The following ITGA4 variants were observed in gnomAD, a reference collection of about 807,000 sequenced individuals.
ITGA4 encodes integrin subunit alpha 4.
In ITGA4, 63 loss-of-function variants were observed where a neutral mutation model predicts 133.6. That is an observed-to-expected ratio of 0.47 (90% confidence interval 0.38 to 0.58). The LOEUF is 0.58. Among genes scored for constraint, ITGA4 ranks in the 20% least tolerant of loss-of-function variants. The pLI is 0.00. For synonymous variants in ITGA4, 483 were observed against 438.0 expected, an observed-to-expected ratio of 1.10 and a Z score of -1.28; for missense variants, 1,076 against 1,252.7, an observed-to-expected ratio of 0.86 and a Z score of 2.13.
At position 181,457,870 on chromosome 2, in the gene ITGA4, A is replaced by ACTC; in HGVS notation, c.197+19_197+20insCTC. The ACTC allele has an allele frequency of 6.3e-7, 1 of 1,596,096 alleles. No individual in the cohort carries two copies. Among genetic ancestry groups the ACTC allele is most frequent in the Non-Finnish European group, 8.6e-7 (1 of 1,168,786 alleles). On this transcript the variant is annotated intron_variant, in intron 1 of 27. Transcript: ENST00000397033. Reference sequence around the variant, plus strand: ...ACCGATGGTGAGTAGAGTTGGACTGATGCGCCCTCAGCAGCTCAGAGCGGC... The same window carrying ACTC: ...ACCGATGGTGAGTAGAGTTGGACTGACTCTGCGCCCTCAGCAGCTCAGAGCGGC...
At chr2:181,526,988 C>A (rs193053758) in intron 21 of ITGA4, among the ~76,000 whole-genome samples, 1 of 151,406 alleles carries the variant, frequency 6.6e-6, no homozygotes, top group Non-Finnish European at 1.5e-5. Context: ...CACGCCACCA[C>A]GCCCAGCTAA....
chr2:181,475,431 T>C, intron 4 of ITGA4, 143 bp downstream of exon 4: 2 of 691,992 alleles, frequency 2.9e-6, no homozygotes, highest in Non-Finnish European at 2.4e-6. Context: ...CTCAATTTCT[T>C]TCTTTACCCA....
At position 181,538,296 on chromosome 2, in the gene ITGA4, C is replaced by T. The variant is rs1030087021; in HGVS notation, c.*2769C>T. 13 of 1,061,574 alleles carry T rather than the reference C, an allele frequency of 1.2e-5. No homozygotes were observed. The highest frequency in any genetic ancestry group is 8.6e-5 in the Admixed American group (5 of 57,822). The allele number at this position is 1,061,574 out of a possible 1,614,324, so 65.8% of individuals were successfully genotyped here. On this transcript the variant is annotated 3_prime_UTR_variant, in exon 28 of 28. Transcript: ENST00000397033. ...AACTTATTTTGTTGTTTTTCACATA[C>T]ACCTAATAAGTATGGTACACAATGC...
At position 181,468,207 on chromosome 2, in the gene ITGA4, C is replaced by A. The variant is rs190083066; in HGVS notation, c.320-6753C>A. ...TTAAGTCATCCCACTCACAAATCAT[C>A]CTTTGTAAAGATCTTCAAACTCAGA... On this transcript the variant is annotated intron_variant, in intron 2 of 27. Coordinates refer to ENST00000397033, the MANE Select transcript of ITGA4 (RefSeq NM_000885.6). Among the ~76,000 whole-genome samples the A allele has an allele frequency of 3.3e-5, 5 of 152,272 alleles. No individual in the cohort carries two copies. The East Asian group carries it at 9.7e-4, about 29-fold the overall frequency.
intron 2 of ITGA4, among the ~76,000 whole-genome samples, chr2:181,465,587 A>T (rs1685392714): frequency 6.6e-6 from 1 of 152,148 alleles, no homozygotes; most frequent in South Asian, 2.1e-4. Flanking sequence ...TTGTTTTTCA[A>T]ATGAATTTTT....
At chr2:181,466,363 A>G (rs1308348050) in intron 2 of ITGA4, among the ~76,000 whole-genome samples, 1 of 152,150 alleles carries the variant, frequency 6.6e-6, no homozygotes, top group African/African-American at 2.4e-5. Context: ...TCTCACATAA[A>G]TTGAGCATGA....
At position 181,495,364 on chromosome 2, in the gene ITGA4, C is replaced by A; in HGVS notation, c.1340-7C>A. ...ATCATTAATCTGTGTTGTTTTTTAT[C>A]CTCCAGATGTAGCAGTTGGTGCTTT... On this transcript the variant is annotated splice_polypyrimidine_tract_variant and splice_region_variant and intron_variant, in intron 12 of 27. Coordinates refer to ENST00000397033, the MANE Select transcript of ITGA4 (RefSeq NM_000885.6). This position sits in a 1 kb window ranked among gnomAD's most constrained non-coding sequence, Gnocchi z 4.3. 1 of 1,605,662 alleles carries A rather than the reference C, an allele frequency of 6.2e-7. No homozygotes were observed. The highest frequency in any genetic ancestry group is 8.5e-7 in the Non-Finnish European group (1 of 1,172,678).
In ITGA4 at chr2:181,495,690, C is replaced by G. The variant is rs925321386; in HGVS notation, c.1386-93C>G. The G allele has an allele frequency of 9.2e-7, 1 of 1,089,612 alleles. No homozygotes were observed. The highest frequency in any genetic ancestry group is 1.6e-5 in the African/African-American group (1 of 63,588). 67.5% of individuals were successfully genotyped at this position (1,089,612 alleles called of 1,614,324 possible). On this transcript the variant is annotated intron_variant, in intron 13 of 27. Transcript: ENST00000397033. This position sits in a 1 kb window ranked among gnomAD's most constrained non-coding sequence, Gnocchi z 4.3. Reference sequence around the variant, plus strand: ...ACACATAATAAGACTCATGAAATTACTTGGTGAATGTAAACTGAAAAAACA... The same window carrying G: ...ACACATAATAAGACTCATGAAATTAGTTGGTGAATGTAAACTGAAAAAACA...
At chr2:181,505,414 C>T (rs767621699) in intron 15 of ITGA4, among the ~76,000 whole-genome samples, 10 of 152,054 alleles carry the variant, frequency 6.6e-5, no homozygotes, top group Middle Eastern at 3.4e-3. Context: ...AGAAGACAGA[C>T]ATTATGTAAT....
chr2:181,487,461 G>C (rs1313058788), intron 10 of ITGA4, among the ~76,000 whole-genome samples: 1 of 152,134 alleles, frequency 6.6e-6, no homozygotes, highest in East Asian at 1.9e-4. Flanking sequence ...CATCTCCTGA[G>C]AGTTTGTATA....
rs566526480 is a variant in ITGA4, at chr2:181,474,938, A to G, written c.320-22A>G. 8.3e-6 allele frequency: 13 copies of G among 1,574,042 alleles called. No individual in the cohort carries two copies. The South Asian group carries it at 1.5e-4, about 18-fold the overall frequency. ...TAGAATGTTTTCAATACAACTGATA[A>G]AATTATTTTCACATGCTATAGGTAG... is the stretch of plus-strand genomic sequence containing the variant. On this transcript the variant is annotated intron_variant, in intron 2 of 27. Coordinates refer to ENST00000397033, the MANE Select transcript of ITGA4 (RefSeq NM_000885.6).
chr2:181,529,532 T>C lies in ITGA4; in HGVS notation c.2431-9T>C, dbSNP rs1163845691. ...TTTAATTTGTTAAAAAATTTTTCCTTCTTATCAGGTTATCAACACTGGCAA... is the reference window on the plus strand; with the variant it reads ...TTTAATTTGTTAAAAAATTTTTCCTCCTTATCAGGTTATCAACACTGGCAA... On this transcript the variant is annotated splice_polypyrimidine_tract_variant and intron_variant, in intron 22 of 27. Transcript: ENST00000397033. The C allele has an allele frequency of 2.0e-6, 3 of 1,485,830 alleles. No individual in the cohort carries two copies. In the East Asian group the frequency reaches 6.8e-5, roughly 34 times the overall value. The allele number at this position is 1,485,830 out of a possible 1,614,324, so 92.0% of individuals were successfully genotyped here. A position where few individuals can be genotyped will look rare whatever the true frequency, so the allele number is the denominator to read the frequency against.
At position 181,509,822 on chromosome 2, in the gene ITGA4, C is replaced by T. The variant is rs1156957989; in HGVS notation, c.1845+15C>T. On this transcript the variant is annotated intron_variant, in intron 16 of 27. Transcript: ENST00000397033. The stretch of plus-strand genomic sequence containing the variant: ...TGAAAAAAACAGTAGGAATATTTTC[C>T]TTTATTCAAATTATTGTATGGCATT... 1.9e-6 allele frequency: 3 copies of T among 1,572,914 alleles called. No individual in the cohort carries two copies. The highest frequency in any genetic ancestry group is 3.5e-5 in the Admixed American group (2 of 57,464).
At position 181,529,616 on chromosome 2, in the gene ITGA4, A is replaced by G; in HGVS notation, c.2506A>G (p.Thr836Ala). The G allele has an allele frequency of 1.2e-6, 2 of 1,600,432 alleles. No homozygotes were observed. Among genetic ancestry groups the G allele is most frequent in the East Asian group, 2.2e-5 (1 of 44,632 alleles). The part of the protein sequence containing the change: ...IMVPNSFSPQ[T>A]DKLFNILDVQ... ...GGTACCAAATTCTTTTAGCCCCCAAACTGATAAGCTGTTCAACATTTTGGA... is the reference window on the plus strand; with the variant it reads ...GGTACCAAATTCTTTTAGCCCCCAAGCTGATAAGCTGTTCAACATTTTGGA... The change falls in exon 23 of 28, where the codon ACT (threonine) becomes GCT (alanine). Residue 836 changes from threonine to alanine, a missense_variant. Around this residue, in one of 4 missense-constraint regions of ITGA4, gnomAD observed 365 missense variants for 421.4 expected, o/e 0.87. Coordinates refer to ENST00000397033, the MANE Select transcript of ITGA4 (RefSeq NM_000885.6).
intron 2 of ITGA4, among the ~76,000 whole-genome samples, chr2:181,465,937 T>A (rs936604273): frequency 1.3e-5 from 2 of 152,062 alleles, no homozygotes; most frequent in Admixed American, 1.3e-4. Flanking sequence ...GAAAAGTGAG[T>A]TAATACATGT....
At chr2:181,504,597 T>C (rs983346480) in intron 15 of ITGA4, among the ~76,000 whole-genome samples, 6 of 152,040 alleles carry the variant, frequency 3.9e-5, no homozygotes, top group African/African-American at 7.2e-5. Context: ...TGTACTAATA[T>C]TATGGTATTC....
chr2:181,477,523 A>T (rs1685703933), intron 4 of ITGA4, among the ~76,000 whole-genome samples: 1 of 152,160 alleles, frequency 6.6e-6, no homozygotes, highest in South Asian at 2.1e-4. Context: ...ACTGATTAAA[A>T]ATTAGTCAAG....
chr2:181,530,659 A>C lies in ITGA4; in HGVS notation c.2664+10A>C. 6.2e-7 allele frequency: 1 copy of C among 1,607,272 alleles called. No individual in the cohort carries two copies. The highest frequency in any genetic ancestry group is 1.1e-5 in the South Asian group (1 of 90,198). ...TGATAAGAGGCTATTGGTAAGTTTC[A>C]GTTTTTCAGGTTGTAGTTCCTGCTT... On this transcript the variant is annotated intron_variant, in intron 24 of 27. Transcript: ENST00000397033.
intron 2 of ITGA4, among the ~76,000 whole-genome samples, chr2:181,461,331 T>C (rs1224304074): frequency 6.6e-6 from 1 of 151,122 alleles, no homozygotes; most frequent in East Asian, 1.9e-4. Flanking sequence ...TGCATATATA[T>C]TGTTGGCCTC....
Sources: allele counts gnomAD v4.1 joint callset (sites outside exome capture counted in the v4.1 genomes callset), GRCh38; gene constraint gnomAD v4.1.1; regional missense constraint gnomAD v4.1.1; non-coding constraint Gnocchi (gnomAD v3.1); transcripts MANE v1.5; gene names NCBI Gene and HGNC (gene_info 2026-07-23, HGNC 2026-07-21).